The following NUP210L variants were observed in gnomAD, a reference collection of about 807,000 sequenced individuals.
NUP210L encodes nucleoporin 210 like.
A neutral mutation model predicts 208.5 loss-of-function variants in NUP210L; 74 were observed. That is an observed-to-expected ratio of 0.35 (90% CI 0.29 to 0.43). The LOEUF (loss-of-function observed/expected upper bound fraction) is 0.43. Among genes scored for constraint, NUP210L ranks in the 20% least tolerant of loss-of-function variants. NUP210L has a pLI of 1.00. For missense variants in NUP210L, 1,843 were observed against 2,289.4 expected (o/e 0.81, Z 3.98); for synonymous variants, 780 against 816.9 (o/e 0.95, Z 0.77).
Position 153,999,772 on chromosome 1 carries a change from C to A in NUP210L, c.5386+1084G>T, listed in dbSNP as rs1216020430. Among the ~76,000 whole-genome samples, 27 of 142,382 alleles carry A rather than the reference C, an allele frequency of 1.9e-4. 1 individual carries two copies. Among genetic ancestry groups the A allele is most frequent in the Admixed American group, 1.1e-3 (15 of 14,112 alleles). 93.4% of individuals were successfully genotyped at this position (142,382 alleles called of 152,430 possible). A position where few individuals can be genotyped will look rare whatever the true frequency, so the allele number is the denominator to read the frequency against. On this transcript the variant is annotated intron_variant, in intron 37 of 39. Coordinates refer to ENST00000368559, the Ensembl canonical transcript of NUP210L. ...AAAAAAAAAAAGGTTTAAAATAGGG[C>A]AAATAGTATACTTACAAAGCTGGCA...
At chr1:154,012,395 T>A in intron 33 of NUP210L, 25 bp from the exon 34 acceptor site, 1 of 1,606,834 alleles carries the variant, frequency 6.2e-7, no homozygotes, top group Non-Finnish European at 8.5e-7. Context: ...AAGGAAAATC[T>A]GCACCTAAGT....
intron 17 of NUP210L, among the ~76,000 whole-genome samples, chr1:154,067,094 G>C (rs1654459507): frequency 1.3e-5 from 2 of 152,098 alleles, no homozygotes; most frequent in Non-Finnish European, 1.5e-5. Flanking sequence ...CTCATTTTAT[G>C]GGGCCAGCAT....
chr1:154,024,940 T>G (rs574095482), intron 30 of NUP210L, among the ~76,000 whole-genome samples: 4 of 145,264 alleles, frequency 2.8e-5, no homozygotes, highest in African/African-American at 1.0e-4. Context: ...TTTTTTTTTT[T>G]TTTTTTTGAG....
intron 34 of NUP210L, among the ~76,000 whole-genome samples, chr1:154,011,811 C>T (rs898166450): frequency 2.0e-5 from 3 of 151,312 alleles, no homozygotes; most frequent in African/African-American, 7.3e-5. Flanking sequence ...GCCTCAGCCT[C>T]CAAGTAGCTG....
chr1:154,027,093 A>AAC (rs1651931253), intron 29 of NUP210L, among the ~76,000 whole-genome samples: 1 of 143,638 alleles, frequency 7.0e-6, no homozygotes, highest in African/African-American at 2.6e-5. Context: ...AAAAAAAAAA[A>AAC]AAACAAAAAA....
chr1:154,009,215 A>G (rs1222057191), intron 35 of NUP210L, among the ~76,000 whole-genome samples: 2 of 151,932 alleles, frequency 1.3e-5, no homozygotes, highest in Admixed American at 1.3e-4. Context: ...CTGGCCCTAT[A>G]CCTTACATTT....
chr1:154,011,009 A>G (rs1384792950), intron 34 of NUP210L, among the ~76,000 whole-genome samples: 1 of 152,136 alleles, frequency 6.6e-6, no homozygotes, highest in Non-Finnish European at 1.5e-5. Flanking sequence ...AATCCCTAGA[A>G]CTTCATCACA....
intron 10 of NUP210L, among the ~76,000 whole-genome samples, chr1:154,121,439 T>C (rs1458538192): frequency 6.6e-6 from 1 of 152,128 alleles, no homozygotes; most frequent in East Asian, 1.9e-4. Flanking sequence ...TTCACCCCCT[T>C]CTGTAGTCCC....
At chr1:154,135,918 G>A (rs1428792913) in exon 7 of NUP210L, 2 of 1,602,984 alleles carry the variant, frequency 1.2e-6, no homozygotes, top group Non-Finnish European at 8.5e-7. Flanking sequence ...CCCGTTAAGT[G>A]CAACTCTATG....
At chr1:154,151,022 C>G (rs1341125915) in intron 2 of NUP210L, among the ~76,000 whole-genome samples, 2 of 152,082 alleles carry the variant, frequency 1.3e-5, no homozygotes, top group East Asian at 3.9e-4. Flanking sequence ...TTTAAGGATA[C>G]TTAACTTTGG....
exon 11 of NUP210L, chr1:154,118,687 T>C (rs1040546634): frequency 1.3e-6 from 2 of 1,599,946 alleles, no homozygotes; most frequent in African/African-American, 1.3e-5. Flanking sequence ...TTTATAACGA[T>C]ATAACATTCC....
chr1:154,061,159 CCT>C, intron 18 of NUP210L, 113 bp from the exon 19 acceptor site: 3 of 669,590 alleles, frequency 4.5e-6, no homozygotes, highest in Non-Finnish European at 7.7e-6. Context: ...AGGCAGATCA[CCT>C]GAGGCCAGGA....
At chr1:154,014,576 A>G (rs879742107) in intron 33 of NUP210L, among the ~76,000 whole-genome samples, 8 of 152,222 alleles carry the variant, frequency 5.3e-5, no homozygotes, top group Non-Finnish European at 1.2e-4. Context: ...GTCTTCAAGC[A>G]CAACATGTAC....
chr1:153,995,685 CAA>C lies in NUP210L; in HGVS notation c.5387-507_5387-506del, dbSNP rs1048366378. ...GGCTTTCCTACAATACAGCCTCTAA[CAA>C]AACTAGGCTGTCCCAAACCCTTGGT... On this transcript the variant is annotated intron_variant, in intron 37 of 39. Transcript: ENST00000368559. The C allele has an allele frequency of 4.8e-6, 6 of 1,250,782 alleles. No individual in the cohort carries two copies. In the African/African-American group the frequency reaches 8.8e-5, roughly 18 times the overall value. 77.5% of individuals were successfully genotyped at this position (1,250,782 alleles called of 1,614,324 possible).
At chr1:154,076,889 A>T (rs1655065213) in intron 16 of NUP210L, among the ~76,000 whole-genome samples, 1 of 151,992 alleles carries the variant, frequency 6.6e-6, no homozygotes, top group South Asian at 2.1e-4. Context: ...ATCCATCAAC[A>T]TCAAGCAGAA....
intron 15 of NUP210L, among the ~76,000 whole-genome samples, chr1:154,091,071 G>GTCATTA (rs1553234168): frequency 7.1e-6 from 1 of 140,818 alleles, no homozygotes; most frequent in Admixed American, 7.3e-5. Flanking sequence ...TATTATTGCT[G>GTCATTA]TTATTATTAT....
chr1:154,025,737 G>A, intron 29 of NUP210L, 21 bp from the exon 30 acceptor site: 1 of 1,605,212 alleles, frequency 6.2e-7, no homozygotes, highest in African/African-American at 1.3e-5. Flanking sequence ...AGGAAAGGAA[G>A]TGGCATCTTT....
chr1:154,131,663 C>T (rs1197640050), intron 7 of NUP210L, among the ~76,000 whole-genome samples: 1 of 152,120 alleles, frequency 6.6e-6, no homozygotes, highest in African/African-American at 2.4e-5. Context: ...GACCTAAGAC[C>T]TCCTAGTTAC....
At chr1:154,150,009 C>G (rs78799343) in intron 2 of NUP210L, among the ~76,000 whole-genome samples, 1,936 of 152,212 alleles carry the variant, frequency 0.013, 42 homozygotes, top group African/African-American at 0.044. Flanking sequence ...TGGTGGACTG[C>G]TTAACTCCAG....
Sources: gnomAD v4.1 joint callset for allele counts (sites outside exome capture counted in the v4.1 genomes callset) on GRCh38, gnomAD v4.1.1 for gene constraint, MANE v1.5 for transcripts, NCBI Gene and HGNC (gene_info 2026-07-23, HGNC 2026-07-21) for gene names.